Variants in PLSCR3 observed in about 807,000 individuals in gnomAD.
The protein encoded by PLSCR3 is PL scramblase 3.
A neutral mutation model predicts 33.7 loss-of-function variants in PLSCR3; 17 were observed. That is an observed-to-expected ratio of 0.50 (90% CI 0.35 to 0.76). The LOEUF (loss-of-function observed/expected upper bound fraction) is 0.76. Ranked by LOEUF, PLSCR3 falls within the 30% of genes least tolerant of loss-of-function variation. The probability of loss-of-function intolerance (pLI) is 0.01; values close to 1 mark genes in which losing one functional copy is unlikely to be tolerated. For synonymous variants in PLSCR3, 166 were observed against 166.0 expected (o/e 1.00, Z 0.00); for missense variants, 360 against 394.1 (o/e 0.91, Z 0.73).
Position 7,394,152 on chromosome 17 carries a change from G to A in PLSCR3, c.-42C>T, listed in dbSNP as rs202013115. The A allele has an allele frequency of 4.9e-4, 787 of 1,605,140 alleles. 2 individuals are homozygous for A. The highest frequency in any genetic ancestry group is 1.8e-3 in the Middle Eastern group (11 of 6,024). ...TTTTCGAGATGATGGTGTCTGGGTG[G>A]CTTAGTTCTGGAAGCGGAGGCAAAC... On this transcript the variant is annotated 5_prime_UTR_variant, in exon 2 of 8. Transcript: ENST00000619711. The surrounding 1 kb of genome is among the most constrained non-coding windows in gnomAD (Gnocchi z 5.3).
In PLSCR3 at chr17:7,393,167, A is replaced by C; in HGVS notation, c.484T>G (p.Cys162Gly). The C allele has an allele frequency of 7.2e-6, 9 of 1,258,380 alleles. No homozygotes were observed. Among genetic ancestry groups the C allele is most frequent in the Non-Finnish European group, 9.1e-6 (9 of 985,320 alleles). The allele number at this position is 1,258,380 out of a possible 1,614,324, so 78.0% of individuals were successfully genotyped here. The part of the protein sequence containing the change: ...LLRPLHCGCS[C>G]CPCGLQEMEV... ...ACCTCCTGGAGGCCACAGGGGCAGC[A>C]GCTGCAGCCACAGTGCAGCGGGCGG... is the stretch of plus-strand genomic sequence containing the variant. Residue 162 changes from cysteine (C) to glycine (G), a missense_variant, in exon 5 of 8, where the codon TGC becomes GGC. Cys to Gly is a radical substitution (Grantham distance 159). Transcript: ENST00000619711.
At chr17:7,392,630 C>T (rs937462495) in intron 6 of PLSCR3, among the ~76,000 whole-genome samples, 161 bp downstream of exon 6, 2 of 152,152 alleles carry the variant, frequency 1.3e-5, no homozygotes, top group Non-Finnish European at 2.9e-5. Flanking sequence ...GAGCACAGGG[C>T]CATCCTATTT....
rs1317297086 is a variant in PLSCR3 at position 7,392,801 on chromosome 17, G to A, written c.659C>T (p.Thr220Ile). ...PCWTCGCGTD[T>I]NFEVKTRDES... ...TAGTATTCCTGATACCTCAAAGTTGGTGTCTGTGCCACAGCCACAGGTCCA... is the reference window on the plus strand; with the variant it reads ...TAGTATTCCTGATACCTCAAAGTTGATGTCTGTGCCACAGCCACAGGTCCA... Residue 220 changes from threonine to isoleucine, a missense_variant, in exon 6 of 8, where the codon ACC becomes ATC. Coordinates refer to ENST00000619711, the MANE Select transcript of PLSCR3 (RefSeq NM_020360.4). The A allele has an allele frequency of 6.2e-7, 1 of 1,613,938 alleles. No individual in the cohort carries two copies. The highest frequency in any genetic ancestry group is 8.5e-7 in the Non-Finnish European group (1 of 1,179,992).
Sources: gnomAD v4.1 joint callset for allele counts (sites outside exome capture counted in the v4.1 genomes callset) on GRCh38, gnomAD v4.1.1 for gene constraint, Gnocchi (gnomAD v3.1) non-coding constraint, MANE v1.5 for transcripts, NCBI Gene and HGNC (gene_info 2026-07-23, HGNC 2026-07-21) for gene names.